SHANK1: variants seen among roughly 807,000 people sequenced by gnomAD.
The protein encoded by SHANK1 is SH3 and multiple ankyrin repeat domains 1.
In SHANK1, 35 loss-of-function variants were observed where a neutral mutation model predicts 165.6. The ratio of observed to expected loss-of-function variants is 0.21; its 90% CI spans 0.16 to 0.28. SHANK1 has a LOEUF of 0.28. Among genes scored for constraint, SHANK1 ranks in the 10% least tolerant of loss-of-function variants. The pLI, the probability that SHANK1 is intolerant of heterozygous loss-of-function variation, is 1.00. For missense variants in SHANK1, 2,681 were observed against 3,036.4 expected (o/e 0.88, Z 2.75); for synonymous variants, 1,428 against 1,384.8 (o/e 1.03, Z -0.69).
In SHANK1 at chr19:50,697,101, T is replaced by G. The variant is rs771502077; in HGVS notation, c.1959A>C (p.Pro653=). ...DAPSLMDGIG[P]GSDYIIKEKT... ...CCCTGCCCCTCGCCTCTCACCTCCC[T>G]GGGCCAATCCCATCCATTAAGCTTC... Residue 653 remains proline, a synonymous_variant, in exon 15 of 24, where the codon CCA becomes CCC. Coordinates refer to ENST00000293441, the MANE Select transcript of SHANK1 (RefSeq NM_016148.5). The surrounding 1 kb of genome is among the most constrained non-coding windows in gnomAD (Gnocchi z 4.7). 1.8e-5 allele frequency: 29 copies of G among 1,607,564 alleles called. No individual in the cohort carries two copies. In the African/African-American group the frequency reaches 3.3e-4, roughly 18 times the overall value.
At chr19:50,665,161 G>T (rs1279533183) in intron 23 of SHANK1, among the ~76,000 whole-genome samples, 1 of 152,196 alleles carries the variant, frequency 6.6e-6, no homozygotes, top group East Asian at 1.9e-4. Context: ...GGACCCAGTG[G>T]CTTACACCTG....
Position 50,667,482 on chromosome 19 carries a change from C to T in SHANK1, c.4478G>A (p.Arg1493Gln), listed in dbSNP as rs758519286. 12 of 1,531,298 alleles carry T rather than the reference C, an allele frequency of 7.8e-6. No homozygotes were observed. The Admixed American group carries it at 1.9e-4, about 24-fold the overall frequency. The allele number at this position is 1,531,298 out of a possible 1,614,324, so 94.9% of individuals were successfully genotyped here. Reference protein sequence around the residue: ...EEPERLPLHVRFLENCQPRAP... With the variant: ...EEPERLPLHVQFLENCQPRAP... ...CCGGGGCTGGCAGTTTTCAAGGAACCGCACGTGCAGCGGCAGCCGCTCGGG... is the reference window on the plus strand; with the variant it reads ...CCGGGGCTGGCAGTTTTCAAGGAACTGCACGTGCAGCGGCAGCCGCTCGGG... Residue 1493 changes from arginine (R) to glutamine (Q), a missense_variant, in exon 23 of 24, where the codon CGG (arginine) becomes CAG (glutamine). Arg to Gln is a conservative substitution (Grantham distance 43). This residue lies in a region of SHANK1 where 1,713 missense variants were observed against 1,630.2 expected (regional missense o/e 1.05). Transcript: ENST00000293441. The surrounding 1 kb of genome is among the most constrained non-coding windows in gnomAD (Gnocchi z 5.7).
chr19:50,718,656 G>A lies in SHANK1; in HGVS notation c.-44+750C>T, dbSNP rs1333851650. The stretch of plus-strand genomic sequence containing the variant: ...TGGTGGAGGACGCGAGAGAGGGGGT[G>A]CCCTGGGAGGCTGTGGGGGGACAGG... On this transcript the variant is annotated intron_variant, in intron 1 of 23. Coordinates refer to ENST00000293441, the MANE Select transcript of SHANK1 (RefSeq NM_016148.5). This position sits in a 1 kb window ranked among gnomAD's most constrained non-coding sequence, Gnocchi z 5.1. Among the ~76,000 whole-genome samples the A allele has an allele frequency of 6.6e-6, 1 of 151,580 alleles. No individual in the cohort carries two copies. Among genetic ancestry groups the A allele is most frequent in the Non-Finnish European group, 1.5e-5 (1 of 67,794 alleles).
rs890074980 is a variant in SHANK1 at position 50,718,329 on chromosome 19, C to A, written c.-44+1077G>T. On this transcript the variant is annotated intron_variant, in intron 1 of 23. Transcript: ENST00000293441. The surrounding 1 kb of genome is among the most constrained non-coding windows in gnomAD (Gnocchi z 5.1). ...GACCCCGGCTGCCTCCTCCCTGCCC[C>A]GCCGCACAGCCCACCTCGCGATCTG... Among the ~76,000 whole-genome samples the A allele has an allele frequency of 6.6e-6, 1 of 152,118 alleles. No individual in the cohort carries two copies. The highest frequency in any genetic ancestry group is 2.4e-5 in the African/African-American group (1 of 41,410).
At chr19:50,712,150 G>A in intron 6 of SHANK1, 36 bp from the exon 7 acceptor site, 2 of 1,547,444 alleles carry the variant, frequency 1.3e-6, no homozygotes, top group Non-Finnish European at 1.7e-6. Flanking sequence ...GAAAAACACA[G>A]ATGACAGTCA....
At chr19:50,664,114 TTTTC>T (rs1231585144) in intron 23 of SHANK1, among the ~76,000 whole-genome samples, 3 of 88,588 alleles carry the variant, frequency 3.4e-5, no homozygotes, top group South Asian at 3.1e-4. Context: ...CTCCTTTTTC[TTTTC>T]TTTCTTTTTT....
At position 50,668,659 on chromosome 19, in the gene SHANK1, G is replaced by A. The variant is rs1740771233; in HGVS notation, c.3301C>T (p.Arg1101Cys). Residue 1101 changes from arginine to cysteine, a missense_variant, in exon 23 of 24, where the codon CGC (arginine) becomes TGC (cysteine). Arg to Cys is a radical substitution (Grantham distance 180). This residue lies in a region of SHANK1 where 1,713 missense variants were observed against 1,630.2 expected (regional missense o/e 1.05). Coordinates refer to ENST00000293441, the MANE Select transcript of SHANK1 (RefSeq NM_016148.5). The part of the protein sequence containing the change: ...AASAAMYVPA[R>C]SGRGRKGPLV... ...GGGCCCTTGCGGCCGCGGCCCGAGC[G>A]GGCGGGCACGTACATGGCTGCGCTG... 1 of 1,360,810 alleles carries A rather than the reference G, an allele frequency of 7.3e-7. No individual in the cohort carries two copies. The highest frequency in any genetic ancestry group is 9.5e-7 in the Non-Finnish European group (1 of 1,056,968). 84.3% of individuals were successfully genotyped at this position (1,360,810 alleles called of 1,614,324 possible).
In SHANK1 at chr19:50,697,041, G is replaced by A. The variant is rs1004543262; in HGVS notation, c.1964+55C>T. ...TGCACACACGTTCACACGCCCCCCA[G>A]GCACCCCGTCCTTCCCCTCCTGACC... On this transcript the variant is annotated intron_variant, in intron 15 of 23. Transcript: ENST00000293441. The surrounding 1 kb of genome is among the most constrained non-coding windows in gnomAD (Gnocchi z 4.7). 2.9e-6 allele frequency: 4 copies of A among 1,390,688 alleles called. No individual in the cohort carries two copies. The East Asian group carries it at 6.8e-5, about 24-fold the overall frequency. 86.1% of individuals were successfully genotyped at this position (1,390,688 alleles called of 1,614,324 possible).
At chr19:50,689,301 T>TTG in intron 15 of SHANK1, 22 bp from the exon 16 acceptor site, 36 of 756,088 alleles carry the variant, frequency 4.8e-5, no homozygotes, top group Non-Finnish European at 5.7e-5. Context: ...GCAGGAGAAA[T>TTG]GGGGGGGTGG....
Position 50,718,027 on chromosome 19 carries a change from T to G in SHANK1, c.-43-1065A>C, listed in dbSNP as rs1184576692. Among the ~76,000 whole-genome samples the G allele has an allele frequency of 1.3e-5, 2 of 152,018 alleles. No individual in the cohort carries two copies. The highest frequency in any genetic ancestry group is 2.9e-5 in the Non-Finnish European group (2 of 67,990). On this transcript the variant is annotated intron_variant, in intron 1 of 23. Coordinates refer to ENST00000293441, the MANE Select transcript of SHANK1 (RefSeq NM_016148.5). This position sits in a 1 kb window ranked among gnomAD's most constrained non-coding sequence, Gnocchi z 5.1. The stretch of plus-strand genomic sequence containing the variant: ...CAGCACCGGAAACCAGAATGTCTGG[T>G]CTGGTCCCTCCCCCCAACACCAGGC...
At chr19:50,676,258 G>A (rs538715310) in intron 21 of SHANK1, among the ~76,000 whole-genome samples, 54 of 152,160 alleles carry the variant, frequency 3.5e-4, no homozygotes, top group Middle Eastern at 3.4e-3. Context: ...AGCTATGATC[G>A]TGCCACTGCA....
In SHANK1 at chr19:50,667,111, G is replaced by A. The variant is rs1283968195; in HGVS notation, c.4849C>T (p.Leu1617=). The change falls in exon 23 of 24, where the codon CTG becomes TTG. Residue 1617 remains leucine, a synonymous_variant. Coordinates refer to ENST00000293441, the MANE Select transcript of SHANK1 (RefSeq NM_016148.5). The surrounding 1 kb of genome is among the most constrained non-coding windows in gnomAD (Gnocchi z 5.7). ...GTCAGGCTGGATGCGGTGGAGTCCA[G>A]GGTGGGAGGGGCTGCGGCCACAGCC... ...PPAVAAAPPT[L]DSTASSLTSY... 1.9e-6 allele frequency: 3 copies of A among 1,558,080 alleles called. No individual in the cohort carries two copies. The highest frequency in any genetic ancestry group is 2.6e-6 in the Non-Finnish European group (3 of 1,158,754).
rs756613087 is a variant in SHANK1 at position 50,667,409 on chromosome 19, C to T, written c.4551G>A (p.Gly1517=). 2.0e-5 allele frequency: 30 copies of T among 1,517,376 alleles called. No individual in the cohort carries two copies. Among genetic ancestry groups the T allele is most frequent in the East Asian group, 7.0e-5 (3 of 43,096 alleles). The allele number at this position is 1,517,376 out of a possible 1,614,324, so 94.0% of individuals were successfully genotyped here. ...ACCGGCGTGGGCTGGGCGGCGGGAC[C>T]CCCGGCCCGTCCTCCGAGGGGGGAC... ...GRGPPSEDGP[G]VPPPSPRRSV... is the part of the protein sequence containing the mutation. Residue 1517 remains glycine, a synonymous_variant, in exon 23 of 24, where the codon GGG becomes GGA. Coordinates refer to ENST00000293441, the MANE Select transcript of SHANK1 (RefSeq NM_016148.5). The surrounding 1 kb of genome is among the most constrained non-coding windows in gnomAD (Gnocchi z 5.7).
At position 50,669,186 on chromosome 19, in the gene SHANK1, G is replaced by T. The variant is rs768552096; in HGVS notation, c.2774C>A (p.Thr925Asn). 1.2e-6 allele frequency: 2 copies of T among 1,605,680 alleles called. No individual in the cohort carries two copies. Reference sequence around the variant, plus strand: ...GTAGGGAGGCTCCGGTGGGGACGTGGTGGGTGGCGGGGGAATGTCCTCCGA... The same window carrying T: ...GTAGGGAGGCTCCGGTGGGGACGTGTTGGGTGGCGGGGGAATGTCCTCCGA... ...PGSEDIPPPP[T>N]TSPPEPPYST... The change falls in exon 23 of 24, where the codon ACC becomes AAC. Residue 925 changes from threonine (T) to asparagine (N), a missense_variant. Thr to Asn is a moderately conservative substitution (Grantham distance 65). This residue lies in a region of SHANK1 where 10 missense variants were observed against 28.9 expected (regional missense o/e 0.35). Transcript: ENST00000293441.
At chr19:50,694,954 G>A (rs1451745901) in intron 15 of SHANK1, among the ~76,000 whole-genome samples, 1 of 150,704 alleles carries the variant, frequency 6.6e-6, no homozygotes, top group African/African-American at 2.4e-5. Flanking sequence ...TGGCCAGCTG[G>A]AGGACAGCGC....
chr19:50,705,899 G>A (rs1039716052), intron 8 of SHANK1, among the ~76,000 whole-genome samples: 54 of 152,156 alleles, frequency 3.5e-4, no homozygotes, highest in African/African-American at 1.3e-3. Flanking sequence ...GCTCACTCCT[G>A]TAATCCCAGC....
rs773483549 is a variant in SHANK1, at chr19:50,702,504, C to A, written c.1710G>T (p.Glu570Asp). ...MAVKSYQAQA[E>D]GEISLSKGEK... ...CGCCCTTGCTCAGGGAGATCTCCCC[C>A]TCGGCTTGGGCCTGGTAGGACTTCA... The change falls in exon 12 of 24, where the codon GAG (glutamate) becomes GAT (aspartate). Residue 570 changes from glutamate to aspartate, a missense_variant. Physicochemically the swap from Glu to Asp is conservative, Grantham distance 45. Around this residue, in one of 10 missense-constraint regions of SHANK1, gnomAD observed 195 missense variants for 186.2 expected, o/e 1.05. Coordinates refer to ENST00000293441, the MANE Select transcript of SHANK1 (RefSeq NM_016148.5). The surrounding 1 kb of genome is among the most constrained non-coding windows in gnomAD (Gnocchi z 5.3). 10 of 1,613,210 alleles carry A rather than the reference C, an allele frequency of 6.2e-6. No individual in the cohort carries two copies. The highest frequency in any genetic ancestry group is 5.0e-5 in the Admixed American group (3 of 59,962).
At chr19:50,706,389 A>G (rs1247832459) in intron 8 of SHANK1, among the ~76,000 whole-genome samples, 1 of 152,116 alleles carries the variant, frequency 6.6e-6, no homozygotes, top group Admixed American at 6.5e-5. Flanking sequence ...TGTCAATCAC[A>G]TGGCACCCAT....
Position 50,718,072 on chromosome 19 carries a change from C to A in SHANK1, c.-43-1110G>T, listed in dbSNP as rs1428751363. Among the ~76,000 whole-genome samples, 1 of 152,134 alleles carries A rather than the reference C, an allele frequency of 6.6e-6. No individual in the cohort carries two copies. The highest frequency in any genetic ancestry group is 1.5e-5 in the Non-Finnish European group (1 of 68,018). On this transcript the variant is annotated intron_variant, in intron 1 of 23. Coordinates refer to ENST00000293441, the MANE Select transcript of SHANK1 (RefSeq NM_016148.5). This position sits in a 1 kb window ranked among gnomAD's most constrained non-coding sequence, Gnocchi z 5.1. ...CCAGGCCCGGTTCCTGCACCGTTGC[C>A]ATGGAGATGGGAAGCAGTGGAGGGT...
Sources: allele counts gnomAD v4.1 joint callset (sites outside exome capture counted in the v4.1 genomes callset), GRCh38; gene constraint gnomAD v4.1.1; regional missense constraint gnomAD v4.1.1; non-coding constraint Gnocchi (gnomAD v3.1); transcripts MANE v1.5; gene names NCBI Gene and HGNC (gene_info 2026-07-23, HGNC 2026-07-21).